The following PDE9A variants were observed in gnomAD, a reference collection of about 807,000 sequenced individuals.
PDE9A encodes phosphodiesterase 9A.
Under a neutral mutation model 87.4 loss-of-function variants are expected in PDE9A, and 60 were observed. That is an observed-to-expected ratio of 0.69 (90% CI 0.56 to 0.85). The LOEUF (loss-of-function observed/expected upper bound fraction) is 0.85. PDE9A is among the 40% of genes least tolerant of loss of function. The pLI is 0.00. For synonymous variants in PDE9A, 272 were observed against 279.4 expected (o/e 0.97, Z 0.27); for missense variants, 665 against 779.0 (o/e 0.85, Z 1.74).
At chr21:42,716,639 C>A (rs1351266601) in intron 4 of PDE9A, among the ~76,000 whole-genome samples, 6 of 151,270 alleles carry the variant, frequency 4.0e-5, no homozygotes, top group African/African-American at 1.5e-4. Flanking sequence ...AAGGACACTG[C>A]AGCTATATAA....
chr21:42,697,239 A>G (rs1232382463), intron 3 of PDE9A, among the ~76,000 whole-genome samples: 1 of 152,034 alleles, frequency 6.6e-6, no homozygotes, highest in East Asian at 1.9e-4. Context: ...AAAGGGCCCA[A>G]AGTGCAGGGA....
chr21:42,668,895 T>TCCCCCCCCCCCCCCCCCCCCCCCCCC (rs1229611821), intron 1 of PDE9A, among the ~76,000 whole-genome samples: 2 of 99,692 alleles, frequency 2.0e-5, no homozygotes, highest in African/African-American at 1.1e-4. Flanking sequence ...AGCTGCTCCC[T>TCCCCCCCCCCCCCCCCCCCCCCCCCC]CCACCCCCCG....
At chr21:42,758,928 G>A in intron 10 of PDE9A, 71 bp from the exon 11 acceptor site, 2 of 1,204,762 alleles carry the variant, frequency 1.7e-6, no homozygotes, top group Non-Finnish European at 2.5e-6. Flanking sequence ...GGACAGCAGA[G>A]GGAAGGAAGC....
At chr21:42,678,738 T>C (rs1233443816) in intron 1 of PDE9A, among the ~76,000 whole-genome samples, 2 of 152,266 alleles carry the variant, frequency 1.3e-5, no homozygotes, top group African/African-American at 2.4e-5. Context: ...GCATCGGATG[T>C]GCAGCCAGCA....
intron 15 of PDE9A, among the ~76,000 whole-genome samples, chr21:42,767,110 C>A (rs1225724876): frequency 1.3e-5 from 2 of 151,948 alleles, no homozygotes; most frequent in Non-Finnish European, 2.9e-5. Context: ...TGCTACGGAG[C>A]CCCAGACGGG....
In PDE9A at chr21:42,705,459, G is replaced by C. The variant is rs1050577605; in HGVS notation, c.262+6448G>C. On this transcript the variant is annotated intron_variant, in intron 4 of 19. Transcript: ENST00000291539. This position sits in a 1 kb window ranked among gnomAD's most constrained non-coding sequence, Gnocchi z 4.3. Reference sequence around the variant, plus strand: ...GCCCTCGGCTGCCAGGAGCTGGCAGGGGAGATGCCTGTGATGAGGATTGGG... The same window carrying C: ...GCCCTCGGCTGCCAGGAGCTGGCAGCGGAGATGCCTGTGATGAGGATTGGG... Among the ~76,000 whole-genome samples the C allele has an allele frequency of 8.5e-5, 13 of 152,136 alleles. 1 individual carries two copies.
chr21:42,677,952 T>G (rs755870387), intron 1 of PDE9A, among the ~76,000 whole-genome samples: 2 of 152,264 alleles, frequency 1.3e-5, no homozygotes, highest in Non-Finnish European at 2.9e-5. Flanking sequence ...CTAGTTATCT[T>G]GTTTGTCCAG....
At chr21:42,743,230 T>G (rs551072707) in intron 7 of PDE9A, among the ~76,000 whole-genome samples, 1 of 152,358 alleles carries the variant, frequency 6.6e-6, no homozygotes, top group African/African-American at 2.4e-5. Flanking sequence ...TCCTCAACTT[T>G]GCCTATTTAT....
chr21:42,685,121 T>TC (rs922981181), intron 1 of PDE9A, among the ~76,000 whole-genome samples: 9 of 152,184 alleles, frequency 5.9e-5, no homozygotes, highest in African/African-American at 2.2e-4. Flanking sequence ...CAGGGAGGCA[T>TC]CCTCTGCGAT....
chr21:42,697,608 C>A, intron 3 of PDE9A: 1 of 757,896 alleles, frequency 1.3e-6, no homozygotes, highest in Admixed American at 1.9e-5. Context: ...GGCTGAAATC[C>A]AAGATGAGGG....
rs548091086 is a variant in PDE9A at position 42,663,463 on chromosome 21, G to A, written c.69+9580G>A. 2.0e-4 allele frequency among the ~76,000 whole-genome samples: 30 copies of A among 152,314 alleles called. No homozygotes were observed. In the South Asian group the frequency reaches 5.4e-3, roughly 27 times the overall value. On this transcript the variant is annotated intron_variant, in intron 1 of 19. Transcript: ENST00000291539. The stretch of plus-strand genomic sequence containing the variant: ...GGGAGGGCAGAAGGCACCCGTCTTC[G>A]CAGAGTCACAGTGGGGCTTGCCTCC...
chr21:42,769,764 A>G (rs369809888), intron 17 of PDE9A, among the ~76,000 whole-genome samples: 13 of 151,990 alleles, frequency 8.6e-5, no homozygotes, highest in African/African-American at 3.1e-4. Context: ...AGGTATGCAC[A>G]TGCACGCACA....
intron 4 of PDE9A, among the ~76,000 whole-genome samples, chr21:42,728,645 T>C (rs1368681066): frequency 6.6e-6 from 1 of 152,184 alleles, no homozygotes; most frequent in Non-Finnish European, 1.5e-5. Flanking sequence ...TGTTGGCATG[T>C]AGTTTTCTTT....
chr21:42,705,131 G>A lies in PDE9A; in HGVS notation c.262+6120G>A, dbSNP rs989094300. Reference sequence around the variant, plus strand: ...GAGTAGAAGGAATGGCCCCGTCCACGCGAAGGTCTGTGTTCACCAAGCATC... The same window carrying A: ...GAGTAGAAGGAATGGCCCCGTCCACACGAAGGTCTGTGTTCACCAAGCATC... On this transcript the variant is annotated intron_variant, in intron 4 of 19. Coordinates refer to ENST00000291539, the MANE Select transcript of PDE9A (RefSeq NM_002606.3). This position sits in a 1 kb window ranked among gnomAD's most constrained non-coding sequence, Gnocchi z 4.3. Among the ~76,000 whole-genome samples the A allele has an allele frequency of 2.4e-4, 36 of 152,148 alleles. No homozygotes were observed. The highest frequency in any genetic ancestry group is 4.1e-4 in the Non-Finnish European group (28 of 68,024).
At chr21:42,669,727 G>A (rs1466383310) in intron 1 of PDE9A, among the ~76,000 whole-genome samples, 9 of 152,166 alleles carry the variant, frequency 5.9e-5, no homozygotes, top group Non-Finnish European at 1.3e-4. Flanking sequence ...TCTGCCCAGC[G>A]GAGTTAAGTC....
intron 8 of PDE9A, among the ~76,000 whole-genome samples, chr21:42,747,112 A>G (rs897121871): frequency 6.6e-6 from 1 of 152,230 alleles, no homozygotes; most frequent in Admixed American, 6.5e-5. Context: ...GTTGCCACAC[A>G]TGAAACCCCT....
intron 4 of PDE9A, among the ~76,000 whole-genome samples, chr21:42,708,558 T>C (rs1468095896): frequency 6.6e-6 from 1 of 152,098 alleles, no homozygotes; most frequent in East Asian, 1.9e-4. Context: ...GTTTTGTTTT[T>C]TGTTGTTTTT....
chr21:42,674,582 C>CCCCTT (rs1408866408), intron 1 of PDE9A, among the ~76,000 whole-genome samples: 1 of 152,120 alleles, frequency 6.6e-6, no homozygotes, highest in Non-Finnish European at 1.5e-5. Context: ...GGAGGCCTCT[C>CCCCTT]CCCTTCCCTT....
intron 17 of PDE9A, among the ~76,000 whole-genome samples, chr21:42,769,604 A>ACTCG (rs1258381420): frequency 1.1e-3 from 144 of 136,336 alleles, no homozygotes; most frequent in Middle Eastern, 4.2e-3. Context: ...AGGCACACAA[A>ACTCG]TGCACATGCA....
Sources: allele counts gnomAD v4.1 joint callset (sites outside exome capture counted in the v4.1 genomes callset), GRCh38; gene constraint gnomAD v4.1.1; non-coding constraint Gnocchi (gnomAD v3.1); transcripts MANE v1.5; gene names NCBI Gene and HGNC (gene_info 2026-07-23, HGNC 2026-07-21).